CFAP69: variants seen among roughly 807,000 people sequenced by gnomAD.
CFAP69 encodes cilia and flagella associated protein 69.
In CFAP69, 92 loss-of-function variants were observed where a neutral mutation model predicts 123.0. That is an observed-to-expected ratio of 0.75 (90% CI 0.63 to 0.89). CFAP69 has a LOEUF of 0.89. Among genes scored for constraint, CFAP69 ranks in the 40% least tolerant of loss-of-function variants. The pLI, the probability that CFAP69 is intolerant of heterozygous loss-of-function variation, is 0.00. For missense variants in CFAP69, 1,067 were observed against 1,096.9 expected, an observed-to-expected ratio of 0.97 and a Z score of 0.39; for synonymous variants, 380 against 364.3, an observed-to-expected ratio of 1.04 and a Z score of -0.49.
intron 15 of CFAP69, among the ~76,000 whole-genome samples, chr7:90,290,036 G>GT (rs1465834416): frequency 6.6e-6 from 1 of 152,150 alleles, no homozygotes; most frequent in Non-Finnish European, 1.5e-5. Flanking sequence ...ATCTGGTAGA[G>GT]TAAGTCTTTC....
chr7:90,274,418 C>T (rs1455726425), intron 9 of CFAP69, among the ~76,000 whole-genome samples: 1 of 152,170 alleles, frequency 6.6e-6, no homozygotes, highest in Admixed American at 6.5e-5. Context: ...ACTTTGTTTA[C>T]AATTTCTTGT....
At position 90,304,733 on chromosome 7, in the gene CFAP69, C is replaced by CTTTAT; in HGVS notation, c.2189-6_2189-2dup. 1 of 1,599,070 alleles carries CTTTAT rather than the reference C, an allele frequency of 6.3e-7. No homozygotes were observed. The highest frequency in any genetic ancestry group is 2.2e-5 in the East Asian group (1 of 44,512). The stretch of plus-strand genomic sequence containing the variant: ...GCTAAAGTAATTCTGTCTTTATAAA[C>CTTTAT]TTTATTTTAGATTTTGAAAATTTAC... On this transcript the variant is annotated splice_polypyrimidine_tract_variant and intron_variant, in intron 18 of 22. Transcript: ENST00000389297.
intron 3 of CFAP69, among the ~76,000 whole-genome samples, chr7:90,259,065 A>G (rs1178304199): frequency 5.9e-5 from 9 of 152,178 alleles, no homozygotes; most frequent in Non-Finnish European, 1.2e-4. Context: ...TATTATCCCT[A>G]CTAAATATAC....
At chr7:90,259,017 T>A (rs532401026) in intron 3 of CFAP69, among the ~76,000 whole-genome samples, 2 of 152,204 alleles carry the variant, frequency 1.3e-5, no homozygotes, top group Non-Finnish European at 2.9e-5. Context: ...ATCATGTACA[T>A]CCAAGTGCTT....
intron 3 of CFAP69, among the ~76,000 whole-genome samples, chr7:90,261,384 TA>T (rs66730094): frequency 0.11 from 17,146 of 152,194 alleles, 2,568 homozygotes; most frequent in East Asian, 0.61. Context: ...ATAGATAAAA[TA>T]AAAGATGCTT....
At chr7:90,321,990 C>T in the CFAP69 span, among the ~76,000 whole-genome samples, 13 of 152,246 alleles carry the variant, frequency 8.5e-5, 1 homozygote, top group South Asian at 2.7e-3. Flanking sequence ...ATCCCCATTT[C>T]CCCTCAGGCA....
chr7:90,271,431 TTCTTGCTG>T, intron 6 of CFAP69, 87 bp from the exon 7 acceptor site: 1 of 1,335,508 alleles, frequency 7.5e-7, no homozygotes, highest in South Asian at 1.5e-5. Flanking sequence ...TAAAAAGTTT[TTCTTGCTG>T]TTGCTTAATA....
rs17866189 is a variant in CFAP69 at position 90,253,243 on chromosome 7, A to G, written c.121-2180A>G. On this transcript the variant is annotated intron_variant, in intron 1 of 22. Coordinates refer to ENST00000389297, the MANE Select transcript of CFAP69 (RefSeq NM_001039706.3). ...GAATTAAGATAAAATGTCAGGTAGC[A>G]AGGCATTAACCCCCAAGATAAATAT... 3.9e-3 allele frequency among the ~76,000 whole-genome samples: 593 copies of G among 152,324 alleles called. 4 individuals carry two copies. Among genetic ancestry groups the G allele is most frequent in the African/African-American group, 0.014 (566 of 41,580 alleles).
chr7:90,303,918 A>G, intron 17 of CFAP69, 51 bp from the exon 18 acceptor site: 1 of 1,478,060 alleles, frequency 6.8e-7, no homozygotes, highest in South Asian at 1.4e-5. Context: ...GTATTTGTTT[A>G]CTATGGTTTT....
At chr7:90,247,962 A>G (rs1796534714) in intron 1 of CFAP69, among the ~76,000 whole-genome samples, 1 of 152,262 alleles carries the variant, frequency 6.6e-6, no homozygotes. Flanking sequence ...TATCAACATC[A>G]TCATTGTCAT....
intron 13 of CFAP69, among the ~76,000 whole-genome samples, chr7:90,285,902 A>G (rs1235031568): frequency 6.6e-6 from 1 of 152,218 alleles, no homozygotes; most frequent in East Asian, 1.9e-4. Flanking sequence ...GAAATTCTAT[A>G]TATGTAGGTA....
intron 1 of CFAP69, among the ~76,000 whole-genome samples, chr7:90,247,610 G>A (rs751901541): frequency 1.3e-5 from 2 of 152,148 alleles, no homozygotes; most frequent in African/African-American, 2.4e-5. Flanking sequence ...CACTTTGAGA[G>A]GCTGGGGAGG....
chr7:90,269,053 A>G (rs1279445730), intron 6 of CFAP69: 1 of 151,658 alleles, frequency 6.6e-6, no homozygotes, highest in Non-Finnish European at 1.5e-5. Flanking sequence ...CTAAGGAAAA[A>G]TGGGAACCAG....
rs375365663 is a variant in CFAP69 at position 90,271,630 on chromosome 7, G to C, written c.637G>C (p.Glu213Gln). Residue 213 changes from glutamate (E) to glutamine (Q), a missense_variant, in exon 7 of 23, where the codon GAG (glutamate) becomes CAG (glutamine). By Grantham distance (29) the Glu-to-Gln change is conservative. Coordinates refer to ENST00000389297, the MANE Select transcript of CFAP69 (RefSeq NM_001039706.3). Reference protein sequence around the residue: ...SMTLLENQLVEKLWVLKVLQH... With the variant: ...SMTLLENQLVQKLWVLKVLQH... ...GACCTTGCTTGAAAATCAACTTGTT[G>C]AGAAACTTTGGGTACTTAAAGTTCT... is the stretch of plus-strand genomic sequence containing the variant. 1.1e-5 allele frequency: 17 copies of C among 1,613,614 alleles called. No individual in the cohort carries two copies. Among genetic ancestry groups the C allele is most frequent in the Non-Finnish European group, 1.2e-5 (14 of 1,179,678 alleles).
chr7:90,266,035 T>A (rs1228878056), intron 5 of CFAP69: 1 of 152,110 alleles, frequency 6.6e-6, no homozygotes, highest in East Asian at 1.9e-4. Context: ...AATCTATACT[T>A]ACTAGTTTAG....
intron 16 of CFAP69, 93 bp from the exon 17 acceptor site, chr7:90,299,774 A>G (rs1355542581): frequency 5.8e-6 from 6 of 1,035,010 alleles, no homozygotes; most frequent in Non-Finnish European, 8.1e-6. Context: ...AAGAAACTTA[A>G]TGATAATAGA....
At position 90,279,830 on chromosome 7, in the gene CFAP69, G is replaced by C; in HGVS notation, c.1309G>C (p.Glu437Gln). Residue 437 changes from glutamate (E) to glutamine (Q), a missense_variant, in exon 12 of 23, where the codon GAA becomes CAA. Physicochemically the swap from Glu to Gln is conservative, Grantham distance 29. Transcript: ENST00000389297. ...ATCAGTGGCTCCTTTATTAATAGAA[G>C]AATACATGTCATGCCAGGGAAATGC... The part of the protein sequence containing the change: ...LSSVAPLLIE[E>Q]YMSCQGNARV... 1 of 1,612,582 alleles carries C rather than the reference G, an allele frequency of 6.2e-7. No homozygotes were observed. The highest frequency in any genetic ancestry group is 8.5e-7 in the Non-Finnish European group (1 of 1,179,642).
At chr7:90,248,747 T>A (rs1796609903) in intron 1 of CFAP69, among the ~76,000 whole-genome samples, 1 of 152,202 alleles carries the variant, frequency 6.6e-6, no homozygotes, top group Non-Finnish European at 1.5e-5. Flanking sequence ...CGTCTTCTTT[T>A]TTAAAGTGAT....
At chr7:90,320,407 C>T in the CFAP69 span, 2 of 152,182 alleles carry the variant, frequency 1.3e-5, no homozygotes, top group African/African-American at 4.8e-5. Context: ...GGCACGAAAA[C>T]AAAGGTGATA....
Sources: allele counts gnomAD v4.1 joint callset (sites outside exome capture counted in the v4.1 genomes callset), GRCh38; gene constraint gnomAD v4.1.1; transcripts MANE v1.5; gene names NCBI Gene and HGNC (gene_info 2026-07-23, HGNC 2026-07-21).